Variants in SLC38A8 observed in about 807,000 individuals in gnomAD.
SLC38A8 encodes amino acid transporter SLC38A8.
A neutral mutation model predicts 46.0 loss-of-function variants in SLC38A8; 65 were observed. The observed-to-expected ratio is 1.41, with a 90% confidence interval of 1.16 to 1.74. SLC38A8 has a LOEUF of 1.74. Ranked by LOEUF, SLC38A8 falls within the 40% of genes most tolerant of loss-of-function variation. SLC38A8 has a pLI of 0.00. For missense variants in SLC38A8, 998 were observed against 567.9 expected (o/e 1.76, Z -7.70); for synonymous variants, 447 against 243.7 (o/e 1.83, Z -7.77).
At chr16:84,032,898 GT>G (rs2085259368) in intron 4 of SLC38A8, among the ~76,000 whole-genome samples, 1 of 151,478 alleles carries the variant, frequency 6.6e-6, no homozygotes, top group African/African-American at 2.4e-5. Context: ...GGGTGCATGT[GT>G]GGGTGGGTGA....
chr16:84,040,232 G>C (rs1055299502), intron 2 of SLC38A8, among the ~76,000 whole-genome samples: 20 of 152,158 alleles, frequency 1.3e-4, no homozygotes, highest in African/African-American at 4.8e-4. Context: ...TAGCCCTGGA[G>C]GCTAAAAGGA....
intron 6 of SLC38A8, among the ~76,000 whole-genome samples, chr16:84,028,623 G>C (rs372503056): frequency 1.3e-5 from 2 of 150,872 alleles, no homozygotes; most frequent in East Asian, 1.9e-4. Context: ...CACCTGCTAG[G>C]AGGGCTGCGG....
At chr16:84,016,362 G>A (rs1171211261) in intron 9 of SLC38A8, among the ~76,000 whole-genome samples, 157 bp downstream of exon 9, 2 of 152,224 alleles carry the variant, frequency 1.3e-5, no homozygotes, top group African/African-American at 2.4e-5. Flanking sequence ...GCCCAAGCCT[G>A]TGCCTGGCTC....
intron 5 of SLC38A8, among the ~76,000 whole-genome samples, chr16:84,030,494 C>G (rs2085224947): frequency 6.6e-6 from 1 of 152,006 alleles, no homozygotes; most frequent in Admixed American, 6.6e-5. Flanking sequence ...CTCTGAACTT[C>G]AGACACACAG....
intron 2 of SLC38A8, chr16:84,041,062 C>G (rs1038693846): frequency 2.3e-4 from 35 of 152,282 alleles, no homozygotes; most frequent in African/African-American, 7.2e-4. Flanking sequence ...GGCCAAAGAG[C>G]TTACCACAAA....
chr16:84,013,101 G>A (rs752108516), intron 9 of SLC38A8, 49 bp from the exon 10 acceptor site: 6 of 1,610,646 alleles, frequency 3.7e-6, no homozygotes, highest in Non-Finnish European at 5.1e-6. Flanking sequence ...CAAACCCAAA[G>A]CAACAAAAAG....
chr16:84,013,124 G>A (rs2084974055), intron 9 of SLC38A8, 72 bp from the exon 10 acceptor site: 2 of 1,579,456 alleles, frequency 1.3e-6, no homozygotes, highest in Non-Finnish European at 1.7e-6. Context: ...CCCGGGAGAG[G>A]TCCTCAGGGA....
At position 84,024,419 on chromosome 16, in the gene SLC38A8, C is replaced by T. The variant is rs12933821; in HGVS notation, c.691-1530G>A. ...GTCTCAAACTCCTGAGTTCAAGCGA[C>T]CCTCCTGCTTTGGCCTCCCTAAGTG... On this transcript the variant is annotated intron_variant, in intron 6 of 10. Coordinates refer to ENST00000299709, the MANE Select transcript of SLC38A8 (RefSeq NM_001080442.3). Among the ~76,000 whole-genome samples the T allele has an allele frequency of 3.6e-3, 546 of 152,112 alleles. 4 individuals carry two copies. Among genetic ancestry groups the T allele is most frequent in the Non-Finnish European group, 4.4e-3 (296 of 67,950 alleles).
intron 6 of SLC38A8, among the ~76,000 whole-genome samples, chr16:84,027,949 C>T (rs1597266513): frequency 6.6e-6 from 1 of 152,114 alleles, no homozygotes; most frequent in African/African-American, 2.4e-5. Flanking sequence ...ATTGGGCGTG[C>T]AGGAAGCAAT....
chr16:84,024,984 G>T (rs564799161), intron 6 of SLC38A8, among the ~76,000 whole-genome samples: 24 of 152,138 alleles, frequency 1.6e-4, no homozygotes, highest in Non-Finnish European at 3.5e-4. Context: ...CCCAGTGCAA[G>T]AATTTTTTTA....
At chr16:84,023,207 C>A (rs2085116172) in intron 6 of SLC38A8, among the ~76,000 whole-genome samples, 1 of 152,122 alleles carries the variant, frequency 6.6e-6, no homozygotes, top group African/African-American at 2.4e-5. Flanking sequence ...TTTCCCCTCT[C>A]TCCCTTACCT....
At chr16:84,028,688 G>A (rs1346667139) in intron 6 of SLC38A8, among the ~76,000 whole-genome samples, 1 of 80,688 alleles carries the variant, frequency 1.2e-5, no homozygotes, top group Non-Finnish European at 2.6e-5. Flanking sequence ...CACCTCCCCT[G>A]CCCCCCCTGC....
chr16:84,010,924 G>A (rs1439503415), intron 10 of SLC38A8, among the ~76,000 whole-genome samples: 1 of 152,144 alleles, frequency 6.6e-6, no homozygotes, highest in Non-Finnish European at 1.5e-5. Flanking sequence ...AGGTGGCTGG[G>A]ACTGGCAGCC....
At chr16:84,038,776 G>A (rs937000099) in intron 2 of SLC38A8, among the ~76,000 whole-genome samples, 7 of 152,024 alleles carry the variant, frequency 4.6e-5, no homozygotes, top group African/African-American at 7.3e-5. Flanking sequence ...CCACCTTTAC[G>A]TAATTCCTGG....
intron 9 of SLC38A8, among the ~76,000 whole-genome samples, chr16:84,015,028 C>A (rs1168560328): frequency 6.6e-6 from 1 of 152,190 alleles, no homozygotes; most frequent in Non-Finnish European, 1.5e-5. Flanking sequence ...GCATCTACTT[C>A]TTGTCTGTTT....
intron 9 of SLC38A8, 111 bp downstream of exon 9, chr16:84,016,408 C>A: frequency 7.8e-7 from 1 of 1,274,456 alleles, no homozygotes; most frequent in Non-Finnish European, 1.1e-6. Context: ...CTTAATCCTA[C>A]CCATATGTGG....
chr16:84,013,119 G>A, intron 9 of SLC38A8, 67 bp from the exon 10 acceptor site: 5 of 1,594,796 alleles, frequency 3.1e-6, no homozygotes, highest in Non-Finnish European at 4.3e-6. Flanking sequence ...AAGGTCCCGG[G>A]AGAGGTCCTC....
chr16:84,017,546 C>T (rs2085045263), intron 7 of SLC38A8, among the ~76,000 whole-genome samples: 1 of 152,190 alleles, frequency 6.6e-6, no homozygotes. Flanking sequence ...ACGGAGCTCA[C>T]CCACAGTGCG....
At chr16:84,021,753 C>T (rs1485155838) in intron 7 of SLC38A8, among the ~76,000 whole-genome samples, 1 of 152,198 alleles carries the variant, frequency 6.6e-6, no homozygotes, top group Non-Finnish European at 1.5e-5. Context: ...TTGGTTACAA[C>T]AGAATGCCTG....
Sources: gnomAD v4.1 joint callset for allele counts (sites outside exome capture counted in the v4.1 genomes callset) on GRCh38, gnomAD v4.1.1 for gene constraint, MANE v1.5 for transcripts, NCBI Gene and HGNC (gene_info 2026-07-23, HGNC 2026-07-21) for gene names.